Variants in SLC24A2 observed in about 807,000 individuals in gnomAD.
SLC24A2 encodes the protein solute carrier family 24 member 2.
In SLC24A2, 36 loss-of-function variants were observed where a neutral mutation model predicts 62.0. The observed-to-expected ratio is 0.58, with a 90% CI of 0.44 to 0.77. SLC24A2 has a LOEUF of 0.77. Ranked by LOEUF, SLC24A2 falls within the 30% of genes least tolerant of loss-of-function variation. SLC24A2 has a pLI of 0.00. For missense variants in SLC24A2, 846 were observed against 817.9 expected (o/e 1.03, Z -0.42); for synonymous variants, 358 against 294.0 (o/e 1.22, Z -2.23).
At chr9:19,863,647 ATT>A in the SLC24A2 span, among the ~76,000 whole-genome samples, 8 of 151,384 alleles carry the variant, frequency 5.3e-5, no homozygotes, top group Non-Finnish European at 7.4e-5. Flanking sequence ...AGGAAATTGA[ATT>A]TTTTTTTAAA....
the SLC24A2 span, among the ~76,000 whole-genome samples, chr9:19,986,173 T>A: frequency 6.6e-6 from 1 of 152,044 alleles, no homozygotes; most frequent in African/African-American, 2.4e-5. Flanking sequence ...AATAAGCGCA[T>A]GAAAAGATGC....
the SLC24A2 span, among the ~76,000 whole-genome samples, chr9:19,835,670 G>C: frequency 4.6e-5 from 7 of 152,120 alleles, no homozygotes; most frequent in Non-Finnish European, 2.9e-5. Context: ...AGATCAACGA[G>C]ACAGAAAGTT....
At chr9:19,595,592 G>A (rs914325341) in intron 5 of SLC24A2, among the ~76,000 whole-genome samples, 4 of 152,168 alleles carry the variant, frequency 2.6e-5, no homozygotes, top group Admixed American at 6.5e-5. Context: ...GTTATCAAGT[G>A]ATAGAATCAG....
chr9:20,240,130 G>T, the SLC24A2 span, among the ~76,000 whole-genome samples: 1 of 152,110 alleles, frequency 6.6e-6, no homozygotes, highest in Non-Finnish European at 1.5e-5. Flanking sequence ...GGGCCTGGTG[G>T]GTAGGTGAGG....
In SLC24A2 at chr9:19,550,177, A is replaced by G; in HGVS notation, c.1439T>C (p.Val480Ala). ...AGGTAACGTAATCCAGAGAGGAAACACTATGGGGAAAACAATCAGAAACGT... is the reference window on the plus strand; with the variant it reads ...AGGTAACGTAATCCAGAGAGGAAACGCTATGGGGAAAACAATCAGAAACGT... ...QVTFLIVFPIVFPLWITLPDV... is the reference protein window; with the variant it reads ...QVTFLIVFPIAFPLWITLPDV... The change falls in exon 8 of 11, where the codon GTG (valine) becomes GCG (alanine). Residue 480 changes from valine to alanine, a missense_variant. Coordinates refer to ENST00000341998, the MANE Select transcript of SLC24A2 (RefSeq NM_020344.4). 3 of 1,614,128 alleles carry G rather than the reference A, an allele frequency of 1.9e-6. No individual in the cohort carries two copies. Among genetic ancestry groups the G allele is most frequent in the South Asian group, 1.1e-5 (1 of 91,090 alleles).
At chr9:20,218,495 C>A in the SLC24A2 span, among the ~76,000 whole-genome samples, 2 of 152,026 alleles carry the variant, frequency 1.3e-5, no homozygotes, top group African/African-American at 2.4e-5. Flanking sequence ...GCACTAAAAC[C>A]CACCCTGGAA....
the SLC24A2 span, among the ~76,000 whole-genome samples, chr9:20,141,433 C>T: frequency 5.9e-5 from 9 of 152,178 alleles, no homozygotes; most frequent in East Asian, 1.2e-3. Context: ...TCTCCTATCC[C>T]GAATAATCCC....
chr9:19,637,429 C>T (rs552452504), intron 2 of SLC24A2, among the ~76,000 whole-genome samples: 2 of 152,176 alleles, frequency 1.3e-5, no homozygotes, highest in African/African-American at 4.8e-5. Context: ...CTAACTATTG[C>T]CCCTCTGTAG....
the SLC24A2 span, among the ~76,000 whole-genome samples, chr9:20,304,626 G>C: frequency 6.6e-4 from 100 of 152,172 alleles, no homozygotes; most frequent in Admixed American, 5.2e-3. Context: ...ATAAAACCCA[G>C]TATATGCTTA....
intron 2 of SLC24A2, among the ~76,000 whole-genome samples, chr9:19,665,361 T>C (rs904689137): frequency 1.3e-5 from 2 of 152,048 alleles, no homozygotes; most frequent in Admixed American, 6.6e-5. Flanking sequence ...ACTTCAGATG[T>C]GGGGGCGAGG....
chr9:19,732,324 A>G (rs1175618887), intron 2 of SLC24A2, among the ~76,000 whole-genome samples: 1 of 152,186 alleles, frequency 6.6e-6, no homozygotes, highest in African/African-American at 2.4e-5. Flanking sequence ...GCTTTCAGAG[A>G]AAACTCTGAC....
chr9:20,251,425 C>T, the SLC24A2 span, among the ~76,000 whole-genome samples: 1 of 152,222 alleles, frequency 6.6e-6, no homozygotes, highest in East Asian at 1.9e-4. Context: ...AAAAAAATGA[C>T]CAAAATAATA....
chr9:19,955,137 T>C, the SLC24A2 span, among the ~76,000 whole-genome samples: 1 of 152,170 alleles, frequency 6.6e-6, no homozygotes, highest in African/African-American at 2.4e-5. Context: ...CCACAATTAA[T>C]GATATATCAT....
At chr9:19,813,516 G>C in the SLC24A2 span, among the ~76,000 whole-genome samples, 1,869 of 151,652 alleles carry the variant, frequency 0.012, 18 homozygotes, top group Middle Eastern at 0.027. Context: ...AAGGGGTTTT[G>C]CCTTGTTGGC....
At chr9:19,563,062 C>T (rs896470590) in intron 7 of SLC24A2, among the ~76,000 whole-genome samples, 1 of 152,170 alleles carries the variant, frequency 6.6e-6, no homozygotes, top group Non-Finnish European at 1.5e-5. Context: ...GCCATGACTG[C>T]ACCACTGTAC....
At chr9:20,143,851 A>G in the SLC24A2 span, among the ~76,000 whole-genome samples, 1 of 152,236 alleles carries the variant, frequency 6.6e-6, no homozygotes, top group Non-Finnish European at 1.5e-5. Context: ...ATATTTATAC[A>G]CATATGACTC....
chr9:19,825,836 AATTTTAT>A, the SLC24A2 span, among the ~76,000 whole-genome samples: 1 of 152,134 alleles, frequency 6.6e-6, no homozygotes, highest in African/African-American at 2.4e-5. Flanking sequence ...TACCAAAATC[AATTTTAT>A]CTTGGTAAGA....
the SLC24A2 span, among the ~76,000 whole-genome samples, chr9:19,824,511 C>T: frequency 0.69 from 104,690 of 152,066 alleles, 40,670 homozygotes; most frequent in Non-Finnish European, 0.87. Flanking sequence ...ATTAAAAAGT[C>T]AGGAAACAAC....
At chr9:19,553,778 G>T (rs944476064) in intron 7 of SLC24A2, among the ~76,000 whole-genome samples, 1 of 152,238 alleles carries the variant, frequency 6.6e-6, no homozygotes, top group Non-Finnish European at 1.5e-5. Flanking sequence ...CTGCTTTCAA[G>T]GAGTCTTGGA....
Sources: allele counts gnomAD v4.1 joint callset (sites outside exome capture counted in the v4.1 genomes callset), GRCh38; gene constraint gnomAD v4.1.1; transcripts MANE v1.5; gene names NCBI Gene and HGNC (gene_info 2026-07-23, HGNC 2026-07-21).